ABCA1: variants seen among roughly 807,000 people sequenced by gnomAD.
ABCA1 encodes the protein phospholipid-transporting ATPase ABCA1.
Under a neutral mutation model 262.5 loss-of-function variants are expected in ABCA1, and 133 were observed. That is an observed-to-expected ratio of 0.51 (90% CI 0.44 to 0.59). The LOEUF (loss-of-function observed/expected upper bound fraction) is 0.59, where lower values mean the gene tolerates loss of function less well. ABCA1 is among the 20% of genes least tolerant of loss of function. The pLI is 0.00. For missense variants in ABCA1, 2,452 were observed against 2,777.5 expected (o/e 0.88, Z 2.63); for synonymous variants, 1,022 against 1,043.5 (o/e 0.98, Z 0.40).
chr9:104,876,410 C>T (rs1259267066), intron 5 of ABCA1, among the ~76,000 whole-genome samples: 2 of 152,144 alleles, frequency 1.3e-5, no homozygotes, highest in African/African-American at 2.4e-5. Flanking sequence ...CCAAGTAGGA[C>T]GTCCCAACCA....
chr9:104,830,465 G>A (rs1479666819), intron 14 of ABCA1, among the ~76,000 whole-genome samples: 1 of 152,030 alleles, frequency 6.6e-6, no homozygotes, highest in African/African-American at 2.4e-5. Flanking sequence ...CAAGGAGGGT[G>A]GATTGCCTGA....
Position 104,858,701 on chromosome 9 carries a change from G to A in ABCA1, c.544-3C>T, listed in dbSNP as rs758115753. On this transcript the variant is annotated splice_polypyrimidine_tract_variant and splice_region_variant and intron_variant, in intron 6 of 49. Transcript: ENST00000374736. The stretch of plus-strand genomic sequence containing the variant: ...AACTGGTAGCCTTGCAAAAATACCT[G>A]GAAGCATTTCATGCAAAGAGAGACA... 6.2e-7 allele frequency: 1 copy of A among 1,614,014 alleles called. No homozygotes were observed. Among genetic ancestry groups the A allele is most frequent in the South Asian group, 1.1e-5 (1 of 91,078 alleles).
At chr9:104,905,180 T>C (rs1841017700) in intron 1 of ABCA1, among the ~76,000 whole-genome samples, 1 of 151,940 alleles carries the variant, frequency 6.6e-6, no homozygotes. Context: ...GGGGCAAGGG[T>C]AGGGTGGGAC....
intron 19 of ABCA1, among the ~76,000 whole-genome samples, chr9:104,822,206 T>C (rs147834518): frequency 8.7e-4 from 132 of 152,314 alleles, no homozygotes; most frequent in African/African-American, 3.0e-3. Flanking sequence ...CTCCAACATA[T>C]GTAATCTATC....
At chr9:104,837,386 G>A in intron 10 of ABCA1, 42 bp downstream of exon 10, 1 of 1,613,432 alleles carries the variant, frequency 6.2e-7, no homozygotes, top group Non-Finnish European at 8.5e-7. Flanking sequence ...CCCAGTTCTG[G>A]GGAGATTCTG....
chr9:104,784,573 A>C (rs2118829492), intron 49 of ABCA1, 118 bp from the exon 50 acceptor site: 2 of 1,213,402 alleles, frequency 1.6e-6, no homozygotes, highest in East Asian at 4.9e-5. Context: ...GAATTACATA[A>C]ATGGATTAAC....
rs368236126 is a variant in ABCA1 at position 104,911,995 on chromosome 9, T to G, written c.-92-8224A>C. ...AATAATCTGTAACTTGGGTGCAGTT[T>G]TTAAAGTACCAAATGCATCACACTT... On this transcript the variant is annotated intron_variant, in intron 1 of 49. Coordinates refer to ENST00000374736, the MANE Select transcript of ABCA1 (RefSeq NM_005502.4). Among the ~76,000 whole-genome samples the G allele has an allele frequency of 1.9e-4, 29 of 152,314 alleles. 1 individual carries two copies. In the East Asian group the frequency reaches 4.1e-3, roughly 21 times the overall value.
At chr9:104,899,771 G>C (rs746988658) in intron 2 of ABCA1, among the ~76,000 whole-genome samples, 2 of 151,940 alleles carry the variant, frequency 1.3e-5, no homozygotes, top group Non-Finnish European at 2.9e-5. Context: ...AATAATAAAG[G>C]CAAAAGAAAA....
intron 6 of ABCA1, among the ~76,000 whole-genome samples, chr9:104,860,053 C>CAAAA (rs200596186): frequency 4.8e-5 from 3 of 62,708 alleles, no homozygotes; most frequent in African/African-American, 1.3e-4. Context: ...GACTCCAACT[C>CAAAA]AAAAAAAAAA....
At chr9:104,798,382 G>A (rs1407601496) in intron 37 of ABCA1, 39 bp downstream of exon 37, 9 of 1,607,962 alleles carry the variant, frequency 5.6e-6, no homozygotes, top group Non-Finnish European at 4.3e-6. Context: ...CCATGGCCCT[G>A]ACAGACATCA....
rs370268411 is a variant in ABCA1, at chr9:104,816,376, A to G, written c.3536-31T>C. The stretch of plus-strand genomic sequence containing the variant: ...GGGACCAGAATGCAAAGATGGCTCA[A>G]TCAACTCAGAGGGGCTTCGGAGTGA... On this transcript the variant is annotated intron_variant, in intron 24 of 49. Transcript: ENST00000374736. The G allele has an allele frequency of 6.7e-5, 107 of 1,607,430 alleles. No individual in the cohort carries two copies. In the African/African-American group the frequency reaches 1.4e-3, roughly 20 times the overall value.
Position 104,872,445 on chromosome 9 carries a change from T to C in ABCA1, c.421+10594A>G, listed in dbSNP as rs532192790. On this transcript the variant is annotated intron_variant, in intron 5 of 49. Transcript: ENST00000374736. Reference sequence around the variant, plus strand: ...ATGGCAGCATAGTGTGGGGAGAAAATGCTAAGCCTAGGAGTCAGACCCCGA... The same window carrying C: ...ATGGCAGCATAGTGTGGGGAGAAAACGCTAAGCCTAGGAGTCAGACCCCGA... Among the ~76,000 whole-genome samples, 3 of 152,238 alleles carry C rather than the reference T, an allele frequency of 2.0e-5. No individual in the cohort carries two copies. The East Asian group carries it at 5.8e-4, about 29-fold the overall frequency.
At chr9:104,884,653 A>G (rs1179270077) in intron 3 of ABCA1, 85 bp from the exon 4 acceptor site, 6 of 1,501,178 alleles carry the variant, frequency 4.0e-6, no homozygotes, top group Non-Finnish European at 5.6e-6. Flanking sequence ...ACAATGCTTC[A>G]TGCCAAGTCT....
intron 3 of ABCA1, among the ~76,000 whole-genome samples, chr9:104,886,128 G>A (rs72732702): frequency 0.21 from 31,912 of 152,114 alleles, 3,519 homozygotes; most frequent in South Asian, 0.37. Context: ...AGCCTATGAG[G>A]ATTTTCCAGG....
chr9:104,811,062 GA>G (rs1831239761), intron 28 of ABCA1, 138 bp from the exon 29 acceptor site: 1 of 1,306,606 alleles, frequency 7.7e-7, no homozygotes, highest in African/African-American at 1.5e-5. Flanking sequence ...CAGGGCCTAT[GA>G]CTGTGCTGCA....
At chr9:104,916,468 T>C (rs1841848636) in intron 1 of ABCA1, among the ~76,000 whole-genome samples, 1 of 152,222 alleles carries the variant, frequency 6.6e-6, no homozygotes, top group Non-Finnish European at 1.5e-5. Flanking sequence ...TCAGTGTCCA[T>C]TTTAAGCTGA....
intron 30 of ABCA1, among the ~76,000 whole-genome samples, chr9:104,809,183 G>C (rs1200489927): frequency 6.6e-6 from 1 of 152,242 alleles, no homozygotes; most frequent in East Asian, 1.9e-4. Context: ...CATTTCATCA[G>C]TAAGTGTAAA....
intron 16 of ABCA1, among the ~76,000 whole-genome samples, chr9:104,826,245 A>G (rs578059286): frequency 1.5e-3 from 231 of 152,306 alleles, no homozygotes; most frequent in African/African-American, 5.4e-3. Flanking sequence ...TCAGCCAAGG[A>G]TGGCTCAGGA....
chr9:104,850,709 T>C (rs965216579), intron 7 of ABCA1, among the ~76,000 whole-genome samples: 1 of 152,210 alleles, frequency 6.6e-6, no homozygotes, highest in Admixed American at 6.5e-5. Flanking sequence ...CTGCTCATGC[T>C]TACTTGACGA....
Sources: gnomAD v4.1 joint callset for allele counts (sites outside exome capture counted in the v4.1 genomes callset) on GRCh38, gnomAD v4.1.1 for gene constraint, MANE v1.5 for transcripts, NCBI Gene and HGNC (gene_info 2026-07-23, HGNC 2026-07-21) for gene names.